CALN1: variants seen among roughly 807,000 people sequenced by gnomAD.
The protein encoded by CALN1 is calcium-binding protein 8.
A neutral mutation model predicts 30.6 loss-of-function variants in CALN1; 17 were observed. The ratio of observed to expected loss-of-function variants is 0.56; its 90% CI spans 0.38 to 0.83. The LOEUF (loss-of-function observed/expected upper bound fraction) is 0.83. Ranked by LOEUF, CALN1 falls within the 40% of genes least tolerant of loss-of-function variation. CALN1 has a pLI of 0.00. For missense variants in CALN1, 291 were observed against 354.9 expected (o/e 0.82, Z 1.45); for synonymous variants, 156 against 131.4 (o/e 1.19, Z -1.28).
chr7:72,501,929 AT>A, the CALN1 span, among the ~76,000 whole-genome samples: 886 of 58,376 alleles, frequency 0.015, 77 homozygotes, highest in African/African-American at 0.047. Context: ...AAAAAAAAAA[AT>A]ATATATATAT....
At chr7:72,392,611 T>G (rs142466704) in intron 2 of CALN1, among the ~76,000 whole-genome samples, 1 of 152,284 alleles carries the variant, frequency 6.6e-6, no homozygotes, top group East Asian at 1.9e-4. Flanking sequence ...CAAGACTATT[T>G]AGGGCATGAA....
At chr7:72,308,377 GA>G (rs1554362849) in intron 2 of CALN1, among the ~76,000 whole-genome samples, 3 of 31,928 alleles carry the variant, frequency 9.4e-5, no homozygotes, top group Non-Finnish European at 1.9e-4. Context: ...GGGGGGGAGA[GA>G]GAGAGAGAGA....
chr7:71,977,207 T>C (rs549578244), intron 5 of CALN1, among the ~76,000 whole-genome samples: 2 of 152,196 alleles, frequency 1.3e-5, no homozygotes, highest in South Asian at 4.2e-4. Context: ...CTCAGTGCTT[T>C]GGGAGGCCAA....
chr7:72,331,176 C>T (rs1801647604), intron 2 of CALN1, among the ~76,000 whole-genome samples: 1 of 151,988 alleles, frequency 6.6e-6, no homozygotes, highest in Non-Finnish European at 1.5e-5. Context: ...ATGGTGAAAC[C>T]CCGTCTCTAC....
intron 3 of CALN1, among the ~76,000 whole-genome samples, chr7:72,178,077 GT>G (rs1789491836): frequency 6.6e-6 from 1 of 152,130 alleles, no homozygotes; most frequent in African/African-American, 2.4e-5. Flanking sequence ...AGGAAGGTGT[GT>G]TTGCATTCAA....
intron 5 of CALN1, among the ~76,000 whole-genome samples, chr7:71,836,446 T>C (rs1417756143): frequency 6.6e-6 from 1 of 152,182 alleles, no homozygotes; most frequent in Non-Finnish European, 1.5e-5. Context: ...ATCGCATCTC[T>C]GCAGTGGTGC....
At chr7:71,821,878 C>T (rs1788614803) in intron 5 of CALN1, among the ~76,000 whole-genome samples, 2 of 150,870 alleles carry the variant, frequency 1.3e-5, no homozygotes, top group South Asian at 4.2e-4. Context: ...GCCTTGACCT[C>T]CTGGGCTCAA....
intron 5 of CALN1, among the ~76,000 whole-genome samples, chr7:71,886,727 C>T (rs1466717890): frequency 2.7e-5 from 4 of 149,328 alleles, no homozygotes; most frequent in East Asian, 2.0e-4. Context: ...GAGCAGAGAT[C>T]GCACCACTGC....
chr7:72,410,482 A>G (rs1319814746), intron 1 of CALN1, among the ~76,000 whole-genome samples: 2 of 152,236 alleles, frequency 1.3e-5, no homozygotes, highest in Non-Finnish European at 1.5e-5. Context: ...GCCCAAAACC[A>G]ATTAGATATC....
chr7:72,396,894 T>TA (rs1805999071), intron 2 of CALN1, among the ~76,000 whole-genome samples: 1 of 152,056 alleles, frequency 6.6e-6, no homozygotes, highest in Non-Finnish European at 1.5e-5. Context: ...GTAGAATCTT[T>TA]TAGTAGTAGT....
chr7:72,152,921 C>T (rs1787368727), intron 3 of CALN1, among the ~76,000 whole-genome samples: 1 of 152,182 alleles, frequency 6.6e-6, no homozygotes, highest in African/African-American at 2.4e-5. Flanking sequence ...CAGACTGTTC[C>T]TTGCCAGTTG....
chr7:72,366,171 T>A (rs1278798772), intron 2 of CALN1, among the ~76,000 whole-genome samples: 1 of 151,916 alleles, frequency 6.6e-6, no homozygotes, highest in Admixed American at 6.6e-5. Context: ...TTTAATTTTT[T>A]ATTTTATTTT....
chr7:72,117,936 C>T (rs1488878339), intron 3 of CALN1, among the ~76,000 whole-genome samples: 3 of 143,390 alleles, frequency 2.1e-5, no homozygotes, highest in Admixed American at 1.5e-4. Context: ...CCAGCCTGGG[C>T]GACAGTGCGA....
the CALN1 span, among the ~76,000 whole-genome samples, chr7:72,502,067 G>T: frequency 2.8e-5 from 4 of 145,064 alleles, no homozygotes; most frequent in Non-Finnish European, 4.5e-5. Context: ...AATTATTATT[G>T]TTTCTTTGCC....
upstream of CALN1, among the ~76,000 whole-genome samples, chr7:72,451,665 C>A (rs187899756): frequency 6.6e-6 from 1 of 152,264 alleles, no homozygotes; most frequent in Non-Finnish European, 1.5e-5. Flanking sequence ...ACCATTGGCA[C>A]CCCTTTGGCC....
chr7:72,157,324 A>G (rs773626729), intron 3 of CALN1, among the ~76,000 whole-genome samples: 4 of 152,180 alleles, frequency 2.6e-5, no homozygotes, highest in Non-Finnish European at 5.9e-5. Flanking sequence ...ACCTTAAAAT[A>G]CGCTGGCTGG....
At chr7:72,474,046 T>C in the CALN1 span, among the ~76,000 whole-genome samples, 5 of 152,216 alleles carry the variant, frequency 3.3e-5, no homozygotes, top group African/African-American at 1.2e-4. Flanking sequence ...CTAGGTTGGA[T>C]ACGAAACTAG....
intron 2 of CALN1, among the ~76,000 whole-genome samples, chr7:72,292,457 G>C (rs1798550127): frequency 6.8e-6 from 1 of 147,964 alleles, no homozygotes; most frequent in Non-Finnish European, 1.5e-5. Flanking sequence ...GAGGTGATTG[G>C]GTCACTATAT....
At position 72,255,964 on chromosome 7, in the gene CALN1, G is replaced by A. The variant is rs367671558; in HGVS notation, c.244+22722C>T. Among the ~76,000 whole-genome samples, 18 of 152,072 alleles carry A rather than the reference G, an allele frequency of 1.2e-4. No homozygotes were observed. In the East Asian group the frequency reaches 1.4e-3, roughly 11 times the overall value. ...AGGCTGGTCTCAAACTCCTGACCTCGTGATCCACCCGCCTCGGCCTCCCAA... is the reference window on the plus strand; with the variant it reads ...AGGCTGGTCTCAAACTCCTGACCTCATGATCCACCCGCCTCGGCCTCCCAA... On this transcript the variant is annotated intron_variant, in intron 3 of 6. Transcript: ENST00000395275.
Sources: gnomAD v4.1 joint callset for allele counts (sites outside exome capture counted in the v4.1 genomes callset) on GRCh38, gnomAD v4.1.1 for gene constraint, MANE v1.5 for transcripts, NCBI Gene and HGNC (gene_info 2026-07-23, HGNC 2026-07-21) for gene names.